Variants in IKZF2 observed in about 807,000 individuals in gnomAD.
IKZF2 encodes zinc finger protein Helios.
IKZF2 carries 15 observed loss-of-function variants against 49.2 expected under a neutral mutation model. The ratio of observed to expected loss-of-function variants is 0.30; its 90% CI spans 0.20 to 0.47. The LOEUF is 0.47. IKZF2 is among the 20% of genes least tolerant of loss of function. The pLI, the probability that IKZF2 is intolerant of heterozygous loss-of-function variation, is 1.00. For synonymous variants in IKZF2, 227 were observed against 221.4 expected (o/e 1.03, Z -0.23); for missense variants, 567 against 664.6 (o/e 0.85, Z 1.61).
chr2:213,065,871 A>G (rs1232130645), intron 4 of IKZF2, among the ~76,000 whole-genome samples: 1 of 152,140 alleles, frequency 6.6e-6, no homozygotes, highest in African/African-American at 2.4e-5. Context: ...ATACCTTTGA[A>G]TCAGTGTATA....
intron 4 of IKZF2, among the ~76,000 whole-genome samples, chr2:213,135,785 G>A (rs941160177): frequency 6.6e-6 from 1 of 151,762 alleles, no homozygotes; most frequent in Non-Finnish European, 1.5e-5. Flanking sequence ...GACAAGACAA[G>A]AGATGAAAAG....
At chr2:213,012,787 C>T (rs1203261169) in intron 8 of IKZF2, among the ~76,000 whole-genome samples, 1 of 151,958 alleles carries the variant, frequency 6.6e-6, no homozygotes, top group African/African-American at 2.4e-5. Flanking sequence ...CCTGAAATAA[C>T]CAAAGCAAAG....
intron 4 of IKZF2, among the ~76,000 whole-genome samples, chr2:213,083,613 G>A (rs1418412825): frequency 1.4e-5 from 2 of 145,498 alleles, no homozygotes; most frequent in East Asian, 4.0e-4. Context: ...TGTTGGTCAG[G>A]CTGGTCTCAA....
intron 6 of IKZF2, among the ~76,000 whole-genome samples, chr2:213,026,823 T>C (rs957199165): frequency 7.9e-5 from 12 of 152,134 alleles, no homozygotes; most frequent in African/African-American, 2.7e-4. Context: ...TATTATGAAA[T>C]GATATTTTTG....
At chr2:213,076,843 C>A (rs545441147) in intron 4 of IKZF2, among the ~76,000 whole-genome samples, 2 of 152,070 alleles carry the variant, frequency 1.3e-5, no homozygotes, top group Non-Finnish European at 2.9e-5. Context: ...GCGGAGCTTG[C>A]GTGAGCGGAG....
intron 4 of IKZF2, among the ~76,000 whole-genome samples, chr2:213,071,158 C>A (rs1049267459): frequency 3.3e-5 from 5 of 151,914 alleles, no homozygotes; most frequent in African/African-American, 1.2e-4. Flanking sequence ...ATAAAAGAAA[C>A]CAAGTTGGGG....
intron 4 of IKZF2, among the ~76,000 whole-genome samples, chr2:213,096,586 C>T (rs1357566716): frequency 6.6e-6 from 1 of 151,990 alleles, no homozygotes; most frequent in African/African-American, 2.4e-5. Context: ...TATACTTCAG[C>T]TTATGGAATA....
intron 4 of IKZF2, among the ~76,000 whole-genome samples, chr2:213,113,664 T>C (rs1020370164): frequency 2.6e-5 from 4 of 152,136 alleles, no homozygotes; most frequent in African/African-American, 9.7e-5. Flanking sequence ...AGAAGTTTGG[T>C]TGTTGCTTGG....
chr2:213,033,057 G>C (rs1698632748), intron 6 of IKZF2, among the ~76,000 whole-genome samples: 1 of 139,828 alleles, frequency 7.2e-6, no homozygotes, highest in Admixed American at 6.9e-5. Flanking sequence ...CAAATCCTCT[G>C]TTGTCATTTC....
chr2:213,053,824 A>G (rs1350313254), intron 5 of IKZF2, among the ~76,000 whole-genome samples: 1 of 152,202 alleles, frequency 6.6e-6, no homozygotes, highest in Non-Finnish European at 1.5e-5. Flanking sequence ...CAAATCAATA[A>G]AATGAAACCA....
At chr2:213,106,450 G>T (rs895895548) in intron 4 of IKZF2, among the ~76,000 whole-genome samples, 1 of 151,900 alleles carries the variant, frequency 6.6e-6, no homozygotes, top group Non-Finnish European at 1.5e-5. Flanking sequence ...ACCAGCCTGT[G>T]AGACATAGTG....
At chr2:213,026,060 T>A (rs1359969231) in intron 6 of IKZF2, among the ~76,000 whole-genome samples, 1 of 152,108 alleles carries the variant, frequency 6.6e-6, no homozygotes, top group Non-Finnish European at 1.5e-5. Context: ...CTGTTAAGTT[T>A]TATTGAACTA....
intron 4 of IKZF2, among the ~76,000 whole-genome samples, chr2:213,135,063 T>G (rs1425808047): frequency 6.6e-6 from 1 of 152,220 alleles, no homozygotes; most frequent in Non-Finnish European, 1.5e-5. Context: ...ATACCAGAAT[T>G]GTCTTGCTAA....
intron 2 of IKZF2, 92 bp from the exon 3 acceptor site, chr2:213,148,736 TC>T: frequency 9.7e-7 from 1 of 1,035,082 alleles, no homozygotes; most frequent in Non-Finnish European, 1.5e-6. Flanking sequence ...AAGCAGTTAG[TC>T]CATGTTGCTG....
intron 4 of IKZF2, among the ~76,000 whole-genome samples, chr2:213,098,618 A>C (rs1424060821): frequency 1.3e-5 from 2 of 152,194 alleles, no homozygotes; most frequent in Non-Finnish European, 2.9e-5. Context: ...ATAAAGAGAA[A>C]GAAGTCCTCA....
chr2:213,096,554 C>A (rs1194389475), intron 4 of IKZF2, among the ~76,000 whole-genome samples: 1 of 151,892 alleles, frequency 6.6e-6, no homozygotes, highest in Non-Finnish European at 1.5e-5. Context: ...AATTCTTCAA[C>A]AGCATAATTT....
At chr2:213,042,619 A>G (rs1348518883) in intron 6 of IKZF2, among the ~76,000 whole-genome samples, 2 of 152,214 alleles carry the variant, frequency 1.3e-5, no homozygotes, top group Non-Finnish European at 2.9e-5. Context: ...AGATAAGCTG[A>G]TAAAAATATT....
chr2:213,028,645 T>C (rs1052432321), intron 6 of IKZF2, among the ~76,000 whole-genome samples: 6 of 152,182 alleles, frequency 3.9e-5, no homozygotes, highest in African/African-American at 1.4e-4. Flanking sequence ...TGGCATTGCT[T>C]TCTAAATTCC....
At chr2:213,055,832 T>TA (rs940840578) in intron 5 of IKZF2, among the ~76,000 whole-genome samples, 1 of 152,164 alleles carries the variant, frequency 6.6e-6, no homozygotes, top group African/African-American at 2.4e-5. Flanking sequence ...ACGTAATTGT[T>TA]AAACTATTTA....
Sources: allele counts gnomAD v4.1 joint callset (sites outside exome capture counted in the v4.1 genomes callset), GRCh38; gene constraint gnomAD v4.1.1; transcripts MANE v1.5; gene names NCBI Gene and HGNC (gene_info 2026-07-23, HGNC 2026-07-21).